ADH5: variants seen among roughly 807,000 people sequenced by gnomAD.
ADH5 encodes alcohol dehydrogenase class-3.
A neutral mutation model predicts 40.3 loss-of-function variants in ADH5; 32 were observed. The observed-to-expected ratio is 0.79, with a 90% CI of 0.60 to 1.07. The LOEUF (loss-of-function observed/expected upper bound fraction) is 1.07, where lower values mean the gene tolerates loss of function less well. ADH5 is among the 50% of genes least tolerant of loss of function. The pLI, the probability that ADH5 is intolerant of heterozygous loss-of-function variation, is 0.00. For synonymous variants in ADH5, 125 were observed against 154.3 expected (o/e 0.81, Z 1.41); for missense variants, 353 against 460.5 (o/e 0.77, Z 2.14).
rs1553951638 is a variant in ADH5, at chr4:99,088,722, C to A, written c.-22G>T. 7.1e-7 allele frequency: 1 copy of A among 1,400,948 alleles called. No individual in the cohort carries two copies. The allele number at this position is 1,400,948 out of a possible 1,614,324, so 86.8% of individuals were successfully genotyped here. A position where few individuals can be genotyped will look rare whatever the true frequency, so the allele number is the denominator to read the frequency against. On this transcript the variant is annotated 5_prime_UTR_variant, in exon 1 of 9. Coordinates refer to ENST00000296412, the MANE Select transcript of ADH5 (RefSeq NM_000671.4). ...CCATGTTCACGGATTCTGGTCGGCGCGGGGGGCTGACATCCGGGGTGGGCC... is the reference window on the plus strand; with the variant it reads ...CCATGTTCACGGATTCTGGTCGGCGAGGGGGGCTGACATCCGGGGTGGGCC...
intron 7 of ADH5, 57 bp from the exon 8 acceptor site, chr4:99,072,768 T>C (rs1727857900): frequency 6.6e-7 from 1 of 1,518,092 alleles, no homozygotes; most frequent in African/African-American, 1.4e-5. Flanking sequence ...GCTTGTTACT[T>C]AGCTGAGGAC....
chr4:99,076,596 CAA>C, intron 5 of ADH5, 44 bp from the exon 6 acceptor site: 1 of 1,596,900 alleles, frequency 6.3e-7, no homozygotes. Flanking sequence ...CTACCAGAGT[CAA>C]GAGAATCACT....
At chr4:99,083,768 C>T (rs974476788) in intron 2 of ADH5, among the ~76,000 whole-genome samples, 2 of 151,318 alleles carry the variant, frequency 1.3e-5, no homozygotes, top group Admixed American at 1.3e-4. Flanking sequence ...TTTGCTGTGA[C>T]TCTCTTCCTA....
chr4:99,075,188 A>C, intron 6 of ADH5, 139 bp from the exon 7 acceptor site: 2 of 637,212 alleles, frequency 3.1e-6, no homozygotes, highest in Non-Finnish European at 5.0e-6. Flanking sequence ...AGTGAGCTCA[A>C]TGTTATTGAA....
At chr4:99,073,207 C>G (rs1727863947) in intron 7 of ADH5, among the ~76,000 whole-genome samples, 1 of 152,256 alleles carries the variant, frequency 6.6e-6, no homozygotes, top group Non-Finnish European at 1.5e-5. Flanking sequence ...GAGACGGAGT[C>G]TCGCTCTATC....
rs796951503 is a variant in ADH5 at position 99,082,201 on chromosome 4, A to G, written c.115-85T>C. The G allele has an allele frequency of 3.6e-5, 49 of 1,369,866 alleles. 1 individual carries two copies. In the African/African-American group the frequency reaches 5.7e-4, roughly 16 times the overall value. The allele number at this position is 1,369,866 out of a possible 1,614,324, so 84.9% of individuals were successfully genotyped here. ...GATACAAGAAAAGTCATTTTATTATAATACTATATTTCATTGACTCTAAGA... is the reference window on the plus strand; with the variant it reads ...GATACAAGAAAAGTCATTTTATTATGATACTATATTTCATTGACTCTAAGA... On this transcript the variant is annotated intron_variant, in intron 2 of 8. Coordinates refer to ENST00000296412, the MANE Select transcript of ADH5 (RefSeq NM_000671.4).
rs979689986 is a variant in ADH5, at chr4:99,071,972, T to C, written c.*445A>G. The C allele has an allele frequency of 6.3e-6, 1 of 158,512 alleles. No individual in the cohort carries two copies. The highest frequency in any genetic ancestry group is 1.4e-5 in the Non-Finnish European group (1 of 72,572). 9.8% of individuals were successfully genotyped at this position (158,512 alleles called of 1,614,324 possible). A position where few individuals can be genotyped will look rare whatever the true frequency, so the allele number is the denominator to read the frequency against. Reference sequence around the variant, plus strand: ...CTTGGGTCCTGATTAACTTTGTCACTGATGGCTAGGATCTGTTCTTTAATC... The same window carrying C: ...CTTGGGTCCTGATTAACTTTGTCACCGATGGCTAGGATCTGTTCTTTAATC... On this transcript the variant is annotated 3_prime_UTR_variant, in exon 9 of 9. Transcript: ENST00000296412.
At chr4:99,078,371 G>A (rs1727967013) in intron 4 of ADH5, among the ~76,000 whole-genome samples, 2 of 152,136 alleles carry the variant, frequency 1.3e-5, no homozygotes, top group African/African-American at 4.8e-5. Flanking sequence ...AAATAAATAT[G>A]ACCAGAAACA....
In ADH5 at chr4:99,076,327, A is replaced by G. The variant is rs972724664; in HGVS notation, c.790T>C (p.Tyr264His). The change falls in exon 6 of 9, where the codon TAT (tyrosine) becomes CAT (histidine). Residue 264 changes from tyrosine (Y) to histidine (H), a missense_variant. Transcript: ENST00000296412. ...LIEMTDGGVD[Y>H]SFECIGNVKV... ...ACATTACCAATACATTCAAAGGAAT[A>G]GTCCACTCCTCCATCGGTCATCTCA... 12 of 1,613,994 alleles carry G rather than the reference A, an allele frequency of 7.4e-6. No homozygotes were observed. In the South Asian group the frequency reaches 1.1e-4, roughly 15 times the overall value.
At chr4:99,082,911 C>T (rs1318397994) in intron 2 of ADH5, among the ~76,000 whole-genome samples, 1 of 152,166 alleles carries the variant, frequency 6.6e-6, no homozygotes, top group African/African-American at 2.4e-5. Flanking sequence ...CTCCTCACCT[C>T]ATTATCTGCC....
At chr4:99,077,201 T>C (rs1299203071) in intron 4 of ADH5, among the ~76,000 whole-genome samples, 2 of 152,174 alleles carry the variant, frequency 1.3e-5, no homozygotes, top group African/African-American at 4.8e-5. Flanking sequence ...AACTTATGGA[T>C]CAGATGGAAT....
intron 4 of ADH5, 142 bp downstream of exon 4, chr4:99,081,223 G>A: frequency 1.7e-6 from 1 of 574,342 alleles, no homozygotes; most frequent in South Asian, 1.9e-5. Context: ...TCTTTGTTCG[G>A]GACTCAGTCC....
At chr4:99,077,058 A>G (rs1383545478) in intron 4 of ADH5, 135 bp from the exon 5 acceptor site, 12 of 670,914 alleles carry the variant, frequency 1.8e-5, no homozygotes, top group Non-Finnish European at 3.0e-5. Flanking sequence ...TATATTCATT[A>G]GTAATTTAGC....
intron 3 of ADH5, 111 bp downstream of exon 3, chr4:99,081,864 T>A: frequency 9.5e-7 from 1 of 1,057,810 alleles, no homozygotes; most frequent in Non-Finnish European, 1.3e-6. Context: ...ATCTTGACAA[T>A]CTACTTAGAT....
intron 7 of ADH5, 33 bp from the exon 8 acceptor site, chr4:99,072,744 A>G: frequency 6.3e-7 from 1 of 1,584,970 alleles, no homozygotes; most frequent in Non-Finnish European, 8.6e-7. Context: ...TTATTCAACA[A>G]ATTTCTGCAG....
Position 99,088,726 on chromosome 4 carries a change from G to T in ADH5, c.-26C>A, listed in dbSNP as rs748530011. On this transcript the variant is annotated 5_prime_UTR_variant, in exon 1 of 9. Coordinates refer to ENST00000296412, the MANE Select transcript of ADH5 (RefSeq NM_000671.4). ...GTTCACGGATTCTGGTCGGCGCGGG[G>T]GGCTGACATCCGGGGTGGGCCGCGC... 5.0e-6 allele frequency: 8 copies of T among 1,605,954 alleles called. No homozygotes were observed. The highest frequency in any genetic ancestry group is 2.2e-5 in the South Asian group (2 of 89,732).
chr4:99,076,662 A>G, intron 5 of ADH5, 42 bp downstream of exon 5: 2 of 1,602,662 alleles, frequency 1.2e-6, no homozygotes, highest in African/African-American at 1.3e-5. Flanking sequence ...TCACTGAATT[A>G]AATTAGAAGG....
At chr4:99,085,076 G>T in intron 2 of ADH5, 39 bp downstream of exon 2, 1 of 1,075,636 alleles carries the variant, frequency 9.3e-7, no homozygotes, top group Non-Finnish European at 1.3e-6. Flanking sequence ...AGACCTCATT[G>T]TGTCTCTTTT....
At position 99,088,723 on chromosome 4, in the gene ADH5, G is replaced by T. The variant is rs376403212; in HGVS notation, c.-23C>A. On this transcript the variant is annotated 5_prime_UTR_variant, in exon 1 of 9. Coordinates refer to ENST00000296412, the MANE Select transcript of ADH5 (RefSeq NM_000671.4). ...CATGTTCACGGATTCTGGTCGGCGC[G>T]GGGGGCTGACATCCGGGGTGGGCCG... The T allele has an allele frequency of 1.9e-6, 3 of 1,605,738 alleles. No homozygotes were observed. In the African/African-American group the frequency reaches 4.0e-5, roughly 22 times the overall value.
Sources: gnomAD v4.1 joint callset for allele counts (sites outside exome capture counted in the v4.1 genomes callset) on GRCh38, gnomAD v4.1.1 for gene constraint, MANE v1.5 for transcripts, NCBI Gene and HGNC (gene_info 2026-07-23, HGNC 2026-07-21) for gene names.